CACNA2D3: variants seen among roughly 807,000 people sequenced by gnomAD.
CACNA2D3 encodes calcium voltage-gated channel auxiliary subunit alpha2delta 3, also known as voltage-dependent calcium channel subunit alpha-2/delta-3.
In CACNA2D3, 60 loss-of-function variants were observed where a neutral mutation model predicts 160.6. The ratio of observed to expected loss-of-function variants is 0.37; its 90% CI spans 0.30 to 0.46. The LOEUF (loss-of-function observed/expected upper bound fraction) is 0.46, where lower values mean the gene tolerates loss of function less well. Among genes scored for constraint, CACNA2D3 ranks in the 20% least tolerant of loss-of-function variants. The probability of loss-of-function intolerance (pLI) is 1.00; values close to 1 mark genes in which losing one functional copy is unlikely to be tolerated. For missense variants in CACNA2D3, 1,205 were observed against 1,365.0 expected (o/e 0.88, Z 1.85); for synonymous variants, 558 against 492.9 (o/e 1.13, Z -1.75).
At chr3:54,857,069 C>T (rs1343232960) in intron 17 of CACNA2D3, among the ~76,000 whole-genome samples, 2 of 152,166 alleles carry the variant, frequency 1.3e-5, no homozygotes, top group Non-Finnish European at 2.9e-5. Context: ...GCGTGAGCCA[C>T]CATGCCTGGC....
intron 4 of CACNA2D3, among the ~76,000 whole-genome samples, chr3:54,387,641 G>C (rs1699210499): frequency 6.7e-6 from 1 of 148,744 alleles, no homozygotes; most frequent in African/African-American, 2.6e-5. Context: ...GACAGAGTGA[G>C]AGTCTGTCTC....
chr3:54,175,536 C>T (rs113551788), intron 2 of CACNA2D3, among the ~76,000 whole-genome samples: 80 of 150,862 alleles, frequency 5.3e-4, no homozygotes, highest in African/African-American at 1.9e-3. Context: ...TGGTGTGAAC[C>T]CGGGAGGCAG....
At chr3:54,812,594 A>G (rs1162782675) in intron 13 of CACNA2D3, among the ~76,000 whole-genome samples, 1 of 152,168 alleles carries the variant, frequency 6.6e-6, no homozygotes, top group African/African-American at 2.4e-5. Context: ...AGACTCTTCC[A>G]TAAGGAGTCG....
intron 4 of CACNA2D3, among the ~76,000 whole-genome samples, chr3:54,468,581 G>A (rs1019530940): frequency 3.3e-5 from 5 of 152,112 alleles, no homozygotes; most frequent in Non-Finnish European, 5.9e-5. Flanking sequence ...AGACAGAACC[G>A]TTTCCCCCCT....
chr3:54,753,618 T>C (rs763555484), intron 12 of CACNA2D3, among the ~76,000 whole-genome samples: 4 of 152,364 alleles, frequency 2.6e-5, no homozygotes, highest in Non-Finnish European at 5.9e-5. Context: ...CTGAGATTTT[T>C]AGTTTGATAT....
chr3:54,338,912 A>C (rs1359859653), intron 3 of CACNA2D3, among the ~76,000 whole-genome samples: 1 of 152,170 alleles, frequency 6.6e-6, no homozygotes, highest in Admixed American at 6.5e-5. Context: ...TAGCCACAGC[A>C]GCTATTAGCA....
intron 4 of CACNA2D3, among the ~76,000 whole-genome samples, chr3:54,422,347 T>C (rs528856782): frequency 2.4e-4 from 36 of 152,318 alleles, no homozygotes; most frequent in African/African-American, 7.2e-4. Context: ...TTTGTATCCG[T>C]CTCTGGTGCT....
chr3:54,493,147 G>A (rs1404634144), intron 4 of CACNA2D3, among the ~76,000 whole-genome samples: 1 of 126,696 alleles, frequency 7.9e-6, no homozygotes, highest in African/African-American at 3.0e-5. Flanking sequence ...GCACAATCTC[G>A]GCTCGCTGCA....
intron 5 of CACNA2D3, among the ~76,000 whole-genome samples, chr3:54,534,281 T>C: frequency 6.6e-6 from 1 of 152,242 alleles, no homozygotes; most frequent in East Asian, 1.9e-4. Flanking sequence ...TTTGTTAAAA[T>C]TTTTAAAATT....
At chr3:54,722,083 A>G (rs1282715004) in intron 11 of CACNA2D3, among the ~76,000 whole-genome samples, 1 of 152,128 alleles carries the variant, frequency 6.6e-6, no homozygotes, top group Non-Finnish European at 1.5e-5. Flanking sequence ...ACATAGTCCC[A>G]TATTTCTTGG....
intron 13 of CACNA2D3, among the ~76,000 whole-genome samples, chr3:54,808,354 C>G (rs1279378103): frequency 1.3e-5 from 2 of 152,200 alleles, no homozygotes; most frequent in Non-Finnish European, 2.9e-5. Flanking sequence ...TGCCATGTCA[C>G]TGCCATGCCC....
intron 13 of CACNA2D3, among the ~76,000 whole-genome samples, chr3:54,791,509 C>T (rs1702757405): frequency 6.6e-6 from 1 of 152,168 alleles, no homozygotes; most frequent in Non-Finnish European, 1.5e-5. Flanking sequence ...TTATTTATGA[C>T]TCTAGCTTTT....
rs770845008 is a variant in CACNA2D3 at position 54,918,442 on chromosome 3, A to C, written c.2449+18574A>C. 10 of 1,602,422 alleles carry C rather than the reference A, an allele frequency of 6.2e-6. No individual in the cohort carries two copies. The Admixed American group carries it at 1.5e-4, about 25-fold the overall frequency. Reference sequence around the variant, plus strand: ...CTTCTGGCCTGCAATGACCAATCCTATTTGAGACAAAAGCTCTCAGGCTGG... The same window carrying C: ...CTTCTGGCCTGCAATGACCAATCCTCTTTGAGACAAAAGCTCTCAGGCTGG... On this transcript the variant is annotated intron_variant, in intron 27 of 37. Coordinates refer to ENST00000474759, the MANE Select transcript of CACNA2D3 (RefSeq NM_018398.3).
At chr3:54,945,990 G>A (rs144507600) in intron 27 of CACNA2D3, among the ~76,000 whole-genome samples, 59 of 152,210 alleles carry the variant, frequency 3.9e-4, no homozygotes, top group Admixed American at 2.4e-3. Flanking sequence ...ACGCTTATTC[G>A]CCTAGCTCTT....
chr3:54,949,870 G>A lies in CACNA2D3; in HGVS notation c.2450-18580G>A, dbSNP rs1701713039. Among the ~76,000 whole-genome samples, 4 of 152,188 alleles carry A rather than the reference G, an allele frequency of 2.6e-5. No homozygotes were observed. The South Asian group carries it at 8.3e-4, about 32-fold the overall frequency. On this transcript the variant is annotated intron_variant, in intron 27 of 37. Transcript: ENST00000474759. ...GCTCATCTGGCATGCTGTGCTCTGG[G>A]TAGAAGTAATTATTTTTATGAGGCA...
rs186723454 is a variant in CACNA2D3, at chr3:54,122,571, A to G, written c.-143A>G. On this transcript the variant is annotated 5_prime_UTR_variant, in exon 1 of 38. Transcript: ENST00000474759. ...CCACCCGCTCCTTTTTCTGCTCCCC[A>G]AGTGAGCCGGGCGCGCGAGAGGCAG... 18,129 of 82,184 alleles carry G rather than the reference A, an allele frequency of 0.22. 1,246 individuals carry two copies. The highest frequency in any genetic ancestry group is 0.35 in the Middle Eastern group (60 of 170). 5.1% of individuals were successfully genotyped at this position (82,184 alleles called of 1,614,324 possible).
At chr3:54,826,805 A>G (rs1703759516) in intron 14 of CACNA2D3, among the ~76,000 whole-genome samples, 2 of 151,464 alleles carry the variant, frequency 1.3e-5, no homozygotes, top group South Asian at 2.1e-4. Context: ...TGATCATGGG[A>G]TAAAGGAAAC....
At chr3:54,265,694 G>T (rs13077338) in intron 2 of CACNA2D3, among the ~76,000 whole-genome samples, 106,534 of 145,112 alleles carry the variant, frequency 0.73, 38,903 homozygotes, top group African/African-American at 0.84. Context: ...ATATAGTGTG[G>T]GTATATATAG....
chr3:54,348,047 A>G (rs1389914878), intron 3 of CACNA2D3, among the ~76,000 whole-genome samples: 1 of 152,190 alleles, frequency 6.6e-6, no homozygotes, highest in African/African-American at 2.4e-5. Context: ...AATCTTCCTT[A>G]AAAAAAGAAT....
Sources: allele counts gnomAD v4.1 joint callset (sites outside exome capture counted in the v4.1 genomes callset), GRCh38; gene constraint gnomAD v4.1.1; transcripts MANE v1.5; gene names NCBI Gene and HGNC (gene_info 2026-07-23, HGNC 2026-07-21).